SCP2: variants seen among roughly 807,000 people sequenced by gnomAD.
The protein encoded by SCP2 is SCP-2/3-oxoacyl-CoA thiolase.
SCP2 carries 48 observed loss-of-function variants against 71.4 expected under a neutral mutation model. The ratio of observed to expected loss-of-function variants is 0.67; its 90% CI spans 0.53 to 0.86. The LOEUF (loss-of-function observed/expected upper bound fraction) is 0.86, where lower values mean the gene tolerates loss of function less well. SCP2 is among the 40% of genes least tolerant of loss of function. SCP2 has a pLI of 0.00. For missense variants in SCP2, 560 were observed against 655.6 expected, an observed-to-expected ratio of 0.85 and a Z score of 1.59; for synonymous variants, 220 against 218.1, an observed-to-expected ratio of 1.01 and a Z score of -0.08.
At chr1:53,022,458 T>C (rs1661817951) in intron 12 of SCP2, among the ~76,000 whole-genome samples, 1 of 152,238 alleles carries the variant, frequency 6.6e-6, no homozygotes. Context: ...GATCAGCATC[T>C]TTTCATGTTT....
chr1:53,028,260 G>T (rs1021086692), intron 13 of SCP2, among the ~76,000 whole-genome samples, 189 bp downstream of exon 13: 1 of 152,180 alleles, frequency 6.6e-6, no homozygotes, highest in African/African-American at 2.4e-5. Context: ...TTTCAGAAAT[G>T]TATGAATCTC....
chr1:53,036,039 A>T (rs1353467780), intron 13 of SCP2, among the ~76,000 whole-genome samples: 1 of 150,356 alleles, frequency 6.7e-6, no homozygotes, highest in East Asian at 2.0e-4. Flanking sequence ...AAAAAAAAAA[A>T]AGAAAACTGA....
At chr1:52,961,848 C>A (rs1340560670) in intron 6 of SCP2, among the ~76,000 whole-genome samples, 1 of 152,126 alleles carries the variant, frequency 6.6e-6, no homozygotes, top group Non-Finnish European at 1.5e-5. Context: ...TACTCTATAG[C>A]AGGAAGTTGA....
chr1:53,047,593 A>C (rs994856509), intron 14 of SCP2, among the ~76,000 whole-genome samples: 1 of 152,210 alleles, frequency 6.6e-6, no homozygotes, highest in Non-Finnish European at 1.5e-5. Context: ...GATCCATATC[A>C]TTTCTTATTG....
chr1:53,046,592 G>T (rs1288361), intron 14 of SCP2, among the ~76,000 whole-genome samples: 23 of 152,090 alleles, frequency 1.5e-4, no homozygotes, highest in Non-Finnish European at 2.5e-4. Context: ...TTAGAAAGGA[G>T]TTCTTCATAT....
intron 1 of SCP2, among the ~76,000 whole-genome samples, chr1:52,937,077 T>C (rs1653810305): frequency 6.6e-6 from 1 of 152,002 alleles, no homozygotes; most frequent in African/African-American, 2.4e-5. Flanking sequence ...GATTCTGCTA[T>C]GTAAGAAGGG....
chr1:53,011,232 A>G (rs1469014854), intron 11 of SCP2, among the ~76,000 whole-genome samples: 1 of 152,182 alleles, frequency 6.6e-6, no homozygotes, highest in Non-Finnish European at 1.5e-5. Context: ...CTAAAGCCGG[A>G]TTATGACTTT....
At chr1:52,949,111 T>A (rs1245186096) in intron 3 of SCP2, among the ~76,000 whole-genome samples, 2 of 152,224 alleles carry the variant, frequency 1.3e-5, no homozygotes, top group African/African-American at 4.8e-5. Flanking sequence ...TCTATGAATA[T>A]ATACAGTATT....
rs1319281203 is a variant in SCP2 at position 53,039,001 on chromosome 1, G to T, written c.1423G>T (p.Val475Leu). The part of the protein sequence containing the change: ...DGPGGKEATW[V>L]VDVKNGKGSV... Reference sequence around the variant, plus strand: ...CCCTGGGGGTAAAGAGGCCACCTGGGTGGTGGATGTGAAGAATGGCAAAGG... The same window carrying T: ...CCCTGGGGGTAAAGAGGCCACCTGGTTGGTGGATGTGAAGAATGGCAAAGG... Residue 475 changes from valine (V) to leucine (L), a missense_variant, in exon 14 of 16, where the codon GTG becomes TTG. By Grantham distance (32) the Val-to-Leu change is conservative. Coordinates refer to ENST00000371514, the MANE Select transcript of SCP2 (RefSeq NM_002979.5). The T allele has an allele frequency of 1.2e-6, 2 of 1,614,154 alleles. No individual in the cohort carries two copies. Among genetic ancestry groups the T allele is most frequent in the Non-Finnish European group, 1.7e-6 (2 of 1,179,986 alleles).
intron 8 of SCP2, among the ~76,000 whole-genome samples, chr1:52,977,932 C>T (rs1658124693): frequency 6.6e-6 from 1 of 151,394 alleles, no homozygotes; most frequent in Non-Finnish European, 1.5e-5. Context: ...CACCATTATA[C>T]TCCAGCCTAG....
rs149105987 is a variant in SCP2 at position 52,944,050 on chromosome 1, G to A, written c.127+2197G>A. The A allele has an allele frequency of 4.7e-3, 898 of 189,632 alleles. 6 individuals carry two copies. In the Middle Eastern group the frequency reaches 0.053, roughly 11 times the overall value. The allele number at this position is 189,632 out of a possible 1,614,324, so 11.7% of individuals were successfully genotyped here. A position where few individuals can be genotyped will look rare whatever the true frequency, so the allele number is the denominator to read the frequency against. On this transcript the variant is annotated intron_variant, in intron 2 of 15. Transcript: ENST00000371514. ...ACACCTAAATAAATGTTTTGGTTTGGGGGCAAGTACTCTAAGCTTAGGTGC... is the reference window on the plus strand; with the variant it reads ...ACACCTAAATAAATGTTTTGGTTTGAGGGCAAGTACTCTAAGCTTAGGTGC...
At chr1:52,958,953 G>C (rs755508188) in intron 5 of SCP2, among the ~76,000 whole-genome samples, 7 of 152,098 alleles carry the variant, frequency 4.6e-5, no homozygotes, top group Non-Finnish European at 8.8e-5. Context: ...TTGAACTTCA[G>C]GGCTCAAGTG....
At chr1:52,929,662 G>A (rs891810799) in intron 1 of SCP2, among the ~76,000 whole-genome samples, 7 of 151,782 alleles carry the variant, frequency 4.6e-5, no homozygotes, top group African/African-American at 7.3e-5. Flanking sequence ...TTGCTCTGTC[G>A]CCCAGGCTGG....
At chr1:52,972,076 G>A (rs1572113940) in intron 6 of SCP2, among the ~76,000 whole-genome samples, 1 of 152,018 alleles carries the variant, frequency 6.6e-6, no homozygotes, top group Non-Finnish European at 1.5e-5. Context: ...TTCTTCATTC[G>A]ACAGATTTCT....
intron 11 of SCP2, among the ~76,000 whole-genome samples, chr1:52,991,411 T>C (rs1410146990): frequency 6.6e-6 from 1 of 152,142 alleles, no homozygotes; most frequent in Non-Finnish European, 1.5e-5. Flanking sequence ...TTTCTTTTTT[T>C]TTTCCTTGAA....
At chr1:53,050,084 T>TG (rs1045259533) in intron 15 of SCP2, 1 of 155,040 alleles carries the variant, frequency 6.4e-6, no homozygotes, top group African/African-American at 2.4e-5. Flanking sequence ...GCTCTGCACT[T>TG]CAGATTGGTT....
rs534384500 is a variant in SCP2 at position 52,964,477 on chromosome 1, G to A, written c.523+2848G>A. ...AGCCTCCCAAAGTGCTGGGATTACA[G>A]GTGTGAGCCACCGTGCCTGGCCCAG... is the stretch of plus-strand genomic sequence containing the variant. On this transcript the variant is annotated intron_variant, in intron 6 of 15. Coordinates refer to ENST00000371514, the MANE Select transcript of SCP2 (RefSeq NM_002979.5). Among the ~76,000 whole-genome samples the A allele has an allele frequency of 2.0e-5, 3 of 151,994 alleles. No individual in the cohort carries two copies. The South Asian group carries it at 6.3e-4, about 32-fold the overall frequency.
chr1:52,945,570 G>T (rs1347697745), intron 2 of SCP2, among the ~76,000 whole-genome samples: 3 of 152,012 alleles, frequency 2.0e-5, no homozygotes, highest in Non-Finnish European at 4.4e-5. Flanking sequence ...CAGATTGGTG[G>T]TGGGCGCCTG....
At position 52,976,758 on chromosome 1, in the gene SCP2, C is replaced by T. The variant is rs762101227; in HGVS notation, c.663C>T (p.Ile221=). The T allele has an allele frequency of 1.4e-6, 2 of 1,465,610 alleles. No homozygotes were observed. The highest frequency in any genetic ancestry group is 2.3e-5 in the South Asian group (2 of 87,996). 90.8% of individuals were successfully genotyped at this position (1,465,610 alleles called of 1,614,324 possible). ...AAGAAGTTTTTGATTTTTTGACTATCTTACAATGTTGGTAAGAAAAATATA... is the reference window on the plus strand; with the variant it reads ...AAGAAGTTTTTGATTTTTTGACTATTTTACAATGTTGGTAAGAAAAATATA... ...ASKEVFDFLT[I]LQCCPTSDGA... is the part of the protein sequence containing the mutation. The change falls in exon 8 of 16, where the codon ATC becomes ATT. Residue 221 remains isoleucine, a synonymous_variant. Transcript: ENST00000371514.
Sources: allele counts gnomAD v4.1 joint callset (sites outside exome capture counted in the v4.1 genomes callset), GRCh38; gene constraint gnomAD v4.1.1; transcripts MANE v1.5; gene names NCBI Gene and HGNC (gene_info 2026-07-23, HGNC 2026-07-21).